CRB1: variants seen among roughly 807,000 people sequenced by gnomAD.
The protein encoded by CRB1 is crumbs cell polarity complex component 1.
CRB1 carries 83 observed loss-of-function variants against 120.0 expected under a neutral mutation model. That is an observed-to-expected ratio of 0.69 (90% CI 0.58 to 0.83). CRB1 has a LOEUF of 0.83. Ranked by LOEUF, CRB1 falls within the 40% of genes least tolerant of loss-of-function variation. The pLI is 0.00. For synonymous variants in CRB1, 625 were observed against 612.5 expected, an observed-to-expected ratio of 1.02 and a Z score of -0.30; for missense variants, 1,699 against 1,687.6, an observed-to-expected ratio of 1.01 and a Z score of -0.12.
chr1:197,304,416 A>T (rs1657049670), intron 1 of CRB1: 1 of 979,008 alleles, frequency 1.0e-6, no homozygotes, highest in African/African-American at 1.7e-5. Context: ...CAGGAAAGGT[A>T]AATGTATGTC....
At position 197,427,949 on chromosome 1, in the gene CRB1, A is replaced by G. The variant is rs753282553; in HGVS notation, c.2624A>G (p.Asn875Ser). The change falls in exon 7 of 12, where the codon AAT (asparagine) becomes AGT (serine). Residue 875 changes from asparagine to serine, a missense_variant. Physicochemically the swap from Asn to Ser is conservative, Grantham distance 46. Transcript: ENST00000367400. Reference protein sequence around the residue: ...FPNPTNNASLNPVLVNVTQGC... With the variant: ...FPNPTNNASLSPVLVNVTQGC... ...AATCCAACAAACAATGCATCTCTCAATCCAGTTCTTGTCAATGTAACCCAA... is the reference window on the plus strand; with the variant it reads ...AATCCAACAAACAATGCATCTCTCAGTCCAGTTCTTGTCAATGTAACCCAA... The G allele has an allele frequency of 1.2e-6, 2 of 1,614,024 alleles. No homozygotes were observed. The highest frequency in any genetic ancestry group is 1.1e-5 in the South Asian group (1 of 91,080).
intron 5 of CRB1, among the ~76,000 whole-genome samples, chr1:197,389,718 A>T (rs977362694): frequency 1.3e-5 from 2 of 151,996 alleles, no homozygotes; most frequent in Middle Eastern, 3.2e-3. Context: ...ACAATAAAAA[A>T]ATTGGATAGG....
chr1:197,474,885 G>A (rs1312204462), intron 11 of CRB1, among the ~76,000 whole-genome samples: 2 of 152,078 alleles, frequency 1.3e-5, no homozygotes, highest in Non-Finnish European at 2.9e-5. Flanking sequence ...TGTTTTTCTG[G>A]TCAGATTTCA....
chr1:197,255,117 C>T, the CRB1 span, among the ~76,000 whole-genome samples: 2 of 151,992 alleles, frequency 1.3e-5, no homozygotes. Context: ...CATTTGATAG[C>T]AGTGTGCTAA....
At chr1:197,415,965 A>C (rs1228682514) in intron 5 of CRB1, among the ~76,000 whole-genome samples, 1 of 151,750 alleles carries the variant, frequency 6.6e-6, no homozygotes, top group African/African-American at 2.4e-5. Flanking sequence ...TATCAACTTG[A>C]CCTATATTTG....
the CRB1 span, among the ~76,000 whole-genome samples, chr1:197,213,336 GAA>G: frequency 6.6e-6 from 1 of 152,142 alleles, no homozygotes; most frequent in African/African-American, 2.4e-5. Context: ...TTTGCAAGAA[GAA>G]AGAGTCACAA....
At position 197,438,619 on chromosome 1, in the gene CRB1, C is replaced by A. The variant is rs1198586136; in HGVS notation, c.3822C>A (p.Cys1274Ter). ...TNLTCYNGGN[C>*]TEFQTELKCM... is the part of the protein sequence containing the mutation. ...TCACTTGCTACAATGGAGGCAACTG[C>A]ACAGAGTTCCAGACTGAATTAAAAT... Residue 1274 changes from cysteine (C) to a stop codon, truncating the protein, a stop_gained, in exon 10 of 12, where the codon TGC becomes TGA. Coordinates refer to ENST00000367400, the MANE Select transcript of CRB1 (RefSeq NM_201253.3). LOFTEE classifies it high-confidence loss of function. 6.2e-7 allele frequency: 1 copy of A among 1,612,992 alleles called. No homozygotes were observed.
the CRB1 span, among the ~76,000 whole-genome samples, chr1:197,244,556 AG>A: frequency 6.6e-6 from 1 of 152,036 alleles, no homozygotes; most frequent in African/African-American, 2.4e-5. Flanking sequence ...ACTTACAGGT[AG>A]GGTGTAATTT....
rs1174487197 is a variant in CRB1 at position 197,427,803 on chromosome 1, G to A, written c.2478G>A (p.Lys826=). 6.2e-7 allele frequency: 1 copy of A among 1,613,972 alleles called. No individual in the cohort carries two copies. Among genetic ancestry groups the A allele is most frequent in the Non-Finnish European group, 8.5e-7 (1 of 1,179,978 alleles). The change falls in exon 7 of 12, where the codon AAG becomes AAA. Residue 826 remains lysine, a synonymous_variant. Transcript: ENST00000367400. ...CTGCTTCTACGTGGAAAATCGAAAA[G>A]GGAGATGTCATCTACATTGGTGGCC... ...FISASTWKIE[K]GDVIYIGGLP...
intron 5 of CRB1, among the ~76,000 whole-genome samples, chr1:197,417,471 G>A (rs1664065845): frequency 6.6e-6 from 1 of 152,134 alleles, no homozygotes; most frequent in South Asian, 2.1e-4. Flanking sequence ...GGCCTCTGTT[G>A]GAAGGTCAAA....
At chr1:197,281,304 G>A (rs962860688) in intron 1 of CRB1, among the ~76,000 whole-genome samples, 1 of 151,866 alleles carries the variant, frequency 6.6e-6, no homozygotes, top group African/African-American at 2.4e-5. Flanking sequence ...ATGCTATAAT[G>A]AATTATCTTA....
intron 5 of CRB1, among the ~76,000 whole-genome samples, chr1:197,417,555 G>C (rs1664070081): frequency 6.6e-6 from 1 of 152,196 alleles, no homozygotes; most frequent in East Asian, 1.9e-4. Flanking sequence ...AGGGGTTGAG[G>C]AAGGAGCAAA....
chr1:197,400,715 A>G (rs1343506667), intron 5 of CRB1, among the ~76,000 whole-genome samples: 1 of 152,030 alleles, frequency 6.6e-6, no homozygotes, highest in Non-Finnish European at 1.5e-5. Context: ...AAGGTTTCTC[A>G]CTCAGATACT....
At chr1:197,390,097 G>A (rs1326280738) in intron 5 of CRB1, among the ~76,000 whole-genome samples, 1 of 137,750 alleles carries the variant, frequency 7.3e-6, no homozygotes, top group Non-Finnish European at 1.5e-5. Context: ...TAGAAAGGAA[G>A]TCAAATCTTT....
At chr1:197,381,566 T>C (rs1661959589) in intron 5 of CRB1, among the ~76,000 whole-genome samples, 1 of 152,186 alleles carries the variant, frequency 6.6e-6, no homozygotes, top group African/African-American at 2.4e-5. Flanking sequence ...ATGAACACAA[T>C]TACTTTTGTT....
chr1:197,419,104 C>T (rs1055488169), intron 5 of CRB1, among the ~76,000 whole-genome samples: 10 of 152,072 alleles, frequency 6.6e-5, no homozygotes, highest in Admixed American at 5.9e-4. Context: ...AAAAGAGCCT[C>T]GTGATGTAAA....
At chr1:197,242,293 G>A in the CRB1 span, among the ~76,000 whole-genome samples, 1 of 152,128 alleles carries the variant, frequency 6.6e-6, no homozygotes, top group Non-Finnish European at 1.5e-5. Flanking sequence ...TGCCCATTCA[G>A]TATGATATTG....
intron 1 of CRB1, among the ~76,000 whole-genome samples, chr1:197,302,244 G>T (rs1158309842): frequency 6.6e-6 from 1 of 152,182 alleles, no homozygotes; most frequent in Non-Finnish European, 1.5e-5. Flanking sequence ...ATTATGACTT[G>T]CTAAAGGCTG....
intron 11 of CRB1, among the ~76,000 whole-genome samples, chr1:197,455,683 A>G (rs1023515401): frequency 6.6e-6 from 1 of 152,156 alleles, no homozygotes; most frequent in East Asian, 1.9e-4. Context: ...TTGACTTGAA[A>G]TTGGCAATTG....
Sources: allele counts gnomAD v4.1 joint callset (sites outside exome capture counted in the v4.1 genomes callset), GRCh38; gene constraint gnomAD v4.1.1; transcripts MANE v1.5; gene names NCBI Gene and HGNC (gene_info 2026-07-23, HGNC 2026-07-21).